Variants in CDV3 observed in about 807,000 individuals in gnomAD.
CDV3 encodes CDV3 homolog, also known as protein CDV3 homolog.
Under a neutral mutation model 24.5 loss-of-function variants are expected in CDV3, and 14 were observed. The ratio of observed to expected loss-of-function variants is 0.57; its 90% confidence interval spans 0.38 to 0.89. The LOEUF (loss-of-function observed/expected upper bound fraction) is 0.89, where lower values mean the gene tolerates loss of function less well. Among genes scored for constraint, CDV3 ranks in the 40% least tolerant of loss-of-function variants. The probability of loss-of-function intolerance (pLI) is 0.00; values close to 1 mark genes in which losing one functional copy is unlikely to be tolerated. For missense variants in CDV3, 304 were observed against 310.2 expected (o/e 0.98, Z 0.15); for synonymous variants, 114 against 114.1 (o/e 1.00, Z 0.00).
At chr3:133,574,314 C>A (rs1202032283) in intron 1 of CDV3, 30 bp downstream of exon 1, 3 of 950,792 alleles carry the variant, frequency 3.2e-6, no homozygotes, top group East Asian at 2.3e-4. Flanking sequence ...GCACTCGGGG[C>A]CCGGGCCGCG....
chr3:133,583,873 A>G lies in CDV3; in HGVS notation c.318-129A>G, dbSNP rs547583305. On this transcript the variant is annotated intron_variant, in intron 2 of 4. Transcript: ENST00000264993. ...CACTGTACCTGGCCTCACTTTTTAAATAAGACGTTCAGTCTCGAAAGAGAT... is the reference window on the plus strand; with the variant it reads ...CACTGTACCTGGCCTCACTTTTTAAGTAAGACGTTCAGTCTCGAAAGAGAT... 6.4e-5 allele frequency: 43 copies of G among 674,402 alleles called. No homozygotes were observed. In the African/African-American group the frequency reaches 6.8e-4, roughly 11 times the overall value. 41.8% of individuals were successfully genotyped at this position (674,402 alleles called of 1,614,324 possible). A position where few individuals can be genotyped will look rare whatever the true frequency, so the allele number is the denominator to read the frequency against.
rs573336035 is a variant in CDV3, at chr3:133,585,336, G to C, written c.466+1186G>C. On this transcript the variant is annotated intron_variant, in intron 3 of 4. Transcript: ENST00000264993. ...ATTGCAGGTGTGAGTCACCACACCCGGTCTTATGTTTTTAAATCATCTTTA... is the reference window on the plus strand; with the variant it reads ...ATTGCAGGTGTGAGTCACCACACCCCGTCTTATGTTTTTAAATCATCTTTA... Among the ~76,000 whole-genome samples, 9 of 152,080 alleles carry C rather than the reference G, an allele frequency of 5.9e-5. No homozygotes were observed. In the South Asian group the frequency reaches 1.7e-3, roughly 28 times the overall value.
intron 1 of CDV3, 47 bp from the exon 2 acceptor site, chr3:133,574,992 T>C (rs1312194773): frequency 1.7e-6 from 2 of 1,149,806 alleles, no homozygotes; most frequent in South Asian, 1.2e-5. Context: ...TGCTTAGTTA[T>C]ATGTCTACAA....
intron 2 of CDV3, among the ~76,000 whole-genome samples, chr3:133,582,548 A>C (rs2107722640): frequency 6.6e-6 from 1 of 152,392 alleles, no homozygotes; most frequent in East Asian, 1.9e-4. Context: ...TCTTATAGCC[A>C]GCATGTGTCT....
intron 2 of CDV3, among the ~76,000 whole-genome samples, chr3:133,576,166 C>T (rs576572207): frequency 6.6e-6 from 1 of 152,354 alleles, no homozygotes; most frequent in African/African-American, 2.4e-5. Flanking sequence ...TAATGTCCTA[C>T]TGTGAAAACA....
chr3:133,574,207 G>T lies in CDV3; in HGVS notation c.163G>T (p.Gly55Trp). 9.9e-7 allele frequency: 1 copy of T among 1,013,972 alleles called. No individual in the cohort carries two copies. Among genetic ancestry groups the T allele is most frequent in the Non-Finnish European group, 1.2e-6 (1 of 852,856 alleles). 62.8% of individuals were successfully genotyped at this position (1,013,972 alleles called of 1,614,324 possible). Residue 55 changes from glycine to tryptophan, a missense_variant, in exon 1 of 5, where the codon GGG becomes TGG. Physicochemically the swap from Gly to Trp is radical, Grantham distance 184. Around this residue, in one of 3 missense-constraint regions of CDV3, gnomAD observed 219 missense variants for 203.6 expected, o/e 1.08. Coordinates refer to ENST00000264993, the MANE Select transcript of CDV3 (RefSeq NM_017548.5). ...AGAAGGGAGA[G>W]TRPGDGGTAS... is the part of the protein sequence containing the mutation. ...TGCGGCGGGCGGCGGGGCGGGCGCG[G>T]GGACCCGGCCGGGTGACGGCGGGAC...
chr3:133,573,984 G>C lies in CDV3; in HGVS notation c.-61G>C, dbSNP rs1228831318. On this transcript the variant is annotated 5_prime_UTR_variant, in exon 1 of 5. Transcript: ENST00000264993. ...CAGAGCCGGCCTCGACCCCGAGCTC[G>C]GAGCCCCGCGGGCCGCGCCCGCCGC... The C allele has an allele frequency of 1.3e-4, 131 of 1,010,704 alleles. No homozygotes were observed. The highest frequency in any genetic ancestry group is 1.5e-4 in the Non-Finnish European group (127 of 847,520). The allele number at this position is 1,010,704 out of a possible 1,614,324, so 62.6% of individuals were successfully genotyped here. A position where few individuals can be genotyped will look rare whatever the true frequency, so the allele number is the denominator to read the frequency against.
At chr3:133,574,720 A>C in intron 1 of CDV3, 1 of 1,092,528 alleles carries the variant, frequency 9.2e-7, no homozygotes, top group South Asian at 2.7e-5. Flanking sequence ...CCGTGAAAGA[A>C]AAAGAAAACT....
At chr3:133,584,827 T>C (rs1480232359) in intron 3 of CDV3, among the ~76,000 whole-genome samples, 1 of 152,124 alleles carries the variant, frequency 6.6e-6, no homozygotes, top group Non-Finnish European at 1.5e-5. Context: ...ACGAAAAGAC[T>C]AGAATGCATA....
At chr3:133,586,965 C>T (rs550438966) in intron 4 of CDV3, among the ~76,000 whole-genome samples, 15 of 152,214 alleles carry the variant, frequency 9.9e-5, no homozygotes, top group African/African-American at 3.6e-4. Flanking sequence ...TATCTTAGCC[C>T]TGGTTTATGT....
chr3:133,587,216 T>C, intron 4 of CDV3: 1 of 1,331,186 alleles, frequency 7.5e-7, no homozygotes, highest in East Asian at 2.8e-5. Flanking sequence ...CACATCTACA[T>C]CTTACTTTAG....
intron 2 of CDV3, among the ~76,000 whole-genome samples, chr3:133,578,219 C>T (rs569664483): frequency 6.6e-5 from 10 of 152,048 alleles, no homozygotes; most frequent in African/African-American, 1.2e-4. Flanking sequence ...AACTCCTGGC[C>T]GCAAGTGATC....
intron 2 of CDV3, among the ~76,000 whole-genome samples, chr3:133,583,693 G>A (rs1480031892): frequency 6.6e-6 from 1 of 152,150 alleles, no homozygotes; most frequent in African/African-American, 2.4e-5. Flanking sequence ...TTCCCCAGTA[G>A]CTGGCATTGT....
At chr3:133,582,016 A>T (rs1933079200) in intron 2 of CDV3, among the ~76,000 whole-genome samples, 1 of 152,066 alleles carries the variant, frequency 6.6e-6, no homozygotes, top group Non-Finnish European at 1.5e-5. Flanking sequence ...TTCCTCTCAG[A>T]TAAAGTTGTA....
At chr3:133,580,897 T>G (rs1479827770) in intron 2 of CDV3, among the ~76,000 whole-genome samples, 1 of 152,230 alleles carries the variant, frequency 6.6e-6, no homozygotes, top group Non-Finnish European at 1.5e-5. Context: ...GTACAATCCC[T>G]CTAATTAAAC....
rs138391145 is a variant in CDV3, at chr3:133,589,607, C to A, written c.*1561C>A. On this transcript the variant is annotated 3_prime_UTR_variant, in exon 5 of 5. Coordinates refer to ENST00000264993, the MANE Select transcript of CDV3 (RefSeq NM_017548.5). ...GCCAAATGCATGAGTTGCAGACTTG[C>A]TACTGGCAAGAGTGAAGCAAGTGGG... 1.5e-4 allele frequency: 23 copies of A among 152,756 alleles called. 1 individual carries two copies. The highest frequency in any genetic ancestry group is 5.5e-4 in the African/African-American group (23 of 41,570). 9.5% of individuals were successfully genotyped at this position (152,756 alleles called of 1,614,324 possible).
rs532573651 is a variant in CDV3 at position 133,584,768 on chromosome 3, C to T, written c.466+618C>T. ...ATCATTCTCAAGGTGGTAAAAGTTG[C>T]TTCTTATGGAATGAAGGAATCTTAT... On this transcript the variant is annotated intron_variant, in intron 3 of 4. Coordinates refer to ENST00000264993, the MANE Select transcript of CDV3 (RefSeq NM_017548.5). Among the ~76,000 whole-genome samples the T allele has an allele frequency of 4.6e-5, 7 of 152,214 alleles. No individual in the cohort carries two copies. In the South Asian group the frequency reaches 1.5e-3, roughly 32 times the overall value.
chr3:133,584,689 C>T (rs1428257249), intron 3 of CDV3, among the ~76,000 whole-genome samples: 1 of 152,108 alleles, frequency 6.6e-6, no homozygotes, highest in Non-Finnish European at 1.5e-5. Flanking sequence ...CTTTTTCATT[C>T]CCTATTTAAC....
chr3:133,574,746 G>C, intron 1 of CDV3: 1 of 1,098,220 alleles, frequency 9.1e-7, no homozygotes, highest in Non-Finnish European at 1.1e-6. Flanking sequence ...TGGCAAGGTT[G>C]AAGTAGAAAT....
Sources: gnomAD v4.1 joint callset for allele counts (sites outside exome capture counted in the v4.1 genomes callset) on GRCh38, gnomAD v4.1.1 for gene constraint, gnomAD v4.1.1 regional missense constraint, MANE v1.5 for transcripts, NCBI Gene and HGNC (gene_info 2026-07-23, HGNC 2026-07-21) for gene names.